The following NIBAN2 variants were observed in gnomAD, a reference collection of about 807,000 sequenced individuals.
The protein encoded by NIBAN2 is niban apoptosis regulator 2.
In NIBAN2, 36 loss-of-function variants were observed where a neutral mutation model predicts 81.8. That is an observed-to-expected ratio of 0.44 (90% CI 0.34 to 0.58). The LOEUF (loss-of-function observed/expected upper bound fraction) is 0.58, where lower values mean the gene tolerates loss of function less well. Among genes scored for constraint, NIBAN2 ranks in the 20% least tolerant of loss-of-function variants. NIBAN2 has a pLI of 0.02. For synonymous variants in NIBAN2, 445 were observed against 441.6 expected (o/e 1.01, Z -0.10); for missense variants, 897 against 1,014.1 (o/e 0.88, Z 1.57).
At position 127,509,023 on chromosome 9, in the gene NIBAN2, A is replaced by G; in HGVS notation, c.1270T>C (p.Ser424Pro). 1 of 1,613,874 alleles carries G rather than the reference A, an allele frequency of 6.2e-7. No individual in the cohort carries two copies. Reference sequence around the variant, plus strand: ...CGCTGCTTGAACACGGACGTGCTGGACACATCAAATCGCTGCTGCAGCCCG... The same window carrying G: ...CGCTGCTTGAACACGGACGTGCTGGGCACATCAAATCGCTGCTGCAGCCCG... ...LDGLQQRFDV[S>P]STSVFKQRAQ... Residue 424 changes from serine (S) to proline (P), a missense_variant, in exon 10 of 14, where the codon TCC becomes CCC. Physicochemically the swap from Ser to Pro is moderately conservative, Grantham distance 74. Transcript: ENST00000373312.
In NIBAN2 at chr9:127,538,443, G is replaced by A. The variant is rs1472799297; in HGVS notation, c.56-6665C>T. Among the ~76,000 whole-genome samples, 9 of 152,152 alleles carry A rather than the reference G, an allele frequency of 5.9e-5. No homozygotes were observed. In the South Asian group the frequency reaches 1.9e-3, roughly 32 times the overall value. On this transcript the variant is annotated intron_variant, in intron 1 of 13. Coordinates refer to ENST00000373312, the MANE Select transcript of NIBAN2 (RefSeq NM_022833.4). ...GCGGCTGCCACCCAGGAAGCACTCA[G>A]TGAGTGTCACATGGCTATTTAGAAA... is the stretch of plus-strand genomic sequence containing the variant.
intron 2 of NIBAN2, among the ~76,000 whole-genome samples, chr9:127,528,188 TA>T (rs1013307622): frequency 2.0e-5 from 3 of 152,202 alleles, no homozygotes; most frequent in Non-Finnish European, 4.4e-5. Context: ...GGGACTGACT[TA>T]TCTGGGGATG....
At chr9:127,540,919 C>A (rs1196393330) in intron 1 of NIBAN2, among the ~76,000 whole-genome samples, 1 of 152,188 alleles carries the variant, frequency 6.6e-6, no homozygotes, top group African/African-American at 2.4e-5. Context: ...AGAGGTTTGC[C>A]GACTGAAACC....
intron 5 of NIBAN2, among the ~76,000 whole-genome samples, chr9:127,522,545 C>T (rs189226970): frequency 8.9e-4 from 135 of 152,208 alleles, no homozygotes; most frequent in African/African-American, 3.1e-3. Context: ...TCCTTAGAGG[C>T]CTTCAAGGCT....
chr9:127,551,048 GC>G (rs1355226051), intron 1 of NIBAN2, among the ~76,000 whole-genome samples: 2 of 152,100 alleles, frequency 1.3e-5, no homozygotes, highest in Admixed American at 1.3e-4. Flanking sequence ...GAAAAGGGAA[GC>G]CAGTGATCCC....
rs191408463 is a variant in NIBAN2 at position 127,543,142 on chromosome 9, C to T, written c.56-11364G>A. 2.6e-3 allele frequency among the ~76,000 whole-genome samples: 401 copies of T among 152,340 alleles called. 4 individuals are homozygous for T. Among genetic ancestry groups the T allele is most frequent in the African/African-American group, 9.3e-3 (387 of 41,588 alleles). On this transcript the variant is annotated intron_variant, in intron 1 of 13. Transcript: ENST00000373312. Reference sequence around the variant, plus strand: ...GCGTGAGCCAGCCCTCAGCTAGGGACTTCCAGTGCGAGATCATTCTCGACT... The same window carrying T: ...GCGTGAGCCAGCCCTCAGCTAGGGATTTCCAGTGCGAGATCATTCTCGACT...
rs753357409 is a variant in NIBAN2, at chr9:127,507,063, C to T, written c.2023G>A (p.Gly675Arg). 2.9e-5 allele frequency: 46 copies of T among 1,577,128 alleles called. No individual in the cohort carries two copies. The highest frequency in any genetic ancestry group is 6.8e-5 in the South Asian group (6 of 88,110). The change falls in exon 14 of 14, where the codon GGG becomes AGG. Residue 675 changes from glycine to arginine, a missense_variant. Gly to Arg is a moderately radical substitution (Grantham distance 125). Around this residue, in one of 3 missense-constraint regions of NIBAN2, gnomAD observed 619 missense variants for 691.0 expected, o/e 0.90. Coordinates refer to ENST00000373312, the MANE Select transcript of NIBAN2 (RefSeq NM_022833.4). This position sits in a 1 kb window ranked among gnomAD's most constrained non-coding sequence, Gnocchi z 6.8. ...SPPPAGPLLN[G>R]APAGESPQPK... ...TGGGGACTCTCCCCAGCGGGGGCCC[C>T]GTTGAGCAGGGGGCCGGCTGGTGGG...
intron 8 of NIBAN2, among the ~76,000 whole-genome samples, chr9:127,514,847 C>T (rs1216664957): frequency 1.3e-5 from 2 of 152,194 alleles, no homozygotes; most frequent in Non-Finnish European, 2.9e-5. Context: ...TCAACCAATA[C>T]TCAGGATCTG....
chr9:127,527,166 C>T (rs888319228), intron 3 of NIBAN2, 28 bp downstream of exon 3: 1 of 1,609,408 alleles, frequency 6.2e-7, no homozygotes, highest in African/African-American at 1.3e-5. Flanking sequence ...CGGGGAGGCT[C>T]AGTGTGGCGC....
intron 8 of NIBAN2, among the ~76,000 whole-genome samples, chr9:127,514,270 C>CA (rs34295842): frequency 0.69 from 81,747 of 118,006 alleles, 27,184 homozygotes; most frequent in Middle Eastern, 0.76. Context: ...ACTCTGTGTC[C>CA]AAAAAAAAAA....
Position 127,517,159 on chromosome 9 carries a change from G to A in NIBAN2, c.763C>T (p.Pro255Ser), listed in dbSNP as rs949854154. Residue 255 changes from proline to serine, a missense_variant, in exon 7 of 14, where the codon CCG becomes TCG. Pro to Ser is a moderately conservative substitution (Grantham distance 74). Transcript: ENST00000373312. The surrounding 1 kb of genome is among the most constrained non-coding windows in gnomAD (Gnocchi z 4.0). The stretch of plus-strand genomic sequence containing the variant: ...TCCTGCGGTTTCCCCTTCAGCCGCG[G>A]GCCGAGCTCTGCCTTCAGCTCAGGG... ...LGPELKAELG[P>S]RLKGKPQERQ... The A allele has an allele frequency of 1.2e-6, 2 of 1,613,954 alleles. No individual in the cohort carries two copies. The highest frequency in any genetic ancestry group is 1.7e-6 in the Non-Finnish European group (2 of 1,180,002).
chr9:127,514,844 A>G (rs912247295), intron 8 of NIBAN2, among the ~76,000 whole-genome samples: 1 of 152,132 alleles, frequency 6.6e-6, no homozygotes, highest in Non-Finnish European at 1.5e-5. Flanking sequence ...CTGTCAACCA[A>G]TACTCAGGAT....
intron 2 of NIBAN2, 59 bp downstream of exon 2, chr9:127,531,586 TCCC>T (rs1837180827): frequency 6.5e-7 from 1 of 1,545,496 alleles, no homozygotes; most frequent in Admixed American, 1.8e-5. Context: ...GTAAGGTCAC[TCCC>T]CCGAGGCCAC....
chr9:127,527,187 G>T lies in NIBAN2; in HGVS notation c.315+7C>A. The T allele has an allele frequency of 6.2e-7, 1 of 1,612,634 alleles. No individual in the cohort carries two copies. The stretch of plus-strand genomic sequence containing the variant: ...GGCTCAGTGTGGCGCCCGGGGCCAG[G>T]CCTCACCGCTTTGTTTTCGTAGAGC... On this transcript the variant is annotated splice_region_variant and intron_variant, in intron 3 of 13. Coordinates refer to ENST00000373312, the MANE Select transcript of NIBAN2 (RefSeq NM_022833.4).
intron 1 of NIBAN2, among the ~76,000 whole-genome samples, chr9:127,542,879 C>T (rs1441762436): frequency 6.6e-6 from 1 of 152,240 alleles, no homozygotes; most frequent in African/African-American, 2.4e-5. Context: ...CCCACCATCA[C>T]ACCTGGCTAA....
At position 127,568,981 on chromosome 9, in the gene NIBAN2, G is replaced by A. The variant is rs1837908447; in HGVS notation, c.-107C>T. The A allele has an allele frequency of 1.1e-5, 1 of 91,550 alleles. No individual in the cohort carries two copies. The allele number at this position is 91,550 out of a possible 1,614,324, so 5.7% of individuals were successfully genotyped here. A position where few individuals can be genotyped will look rare whatever the true frequency, so the allele number is the denominator to read the frequency against. Reference sequence around the variant, plus strand: ...GAGCCCGGCCCGCCCTGCTTCCCCCGCTCCCGCCGCTCCCGCCGCTCCCGC... The same window carrying A: ...GAGCCCGGCCCGCCCTGCTTCCCCCACTCCCGCCGCTCCCGCCGCTCCCGC... On this transcript the variant is annotated 5_prime_UTR_variant, in exon 1 of 14. Coordinates refer to ENST00000373312, the MANE Select transcript of NIBAN2 (RefSeq NM_022833.4).
Position 127,527,226 on chromosome 9 carries a change from TGTG to T in NIBAN2, c.280_282del (p.His94del). The T allele has an allele frequency of 6.2e-7, 1 of 1,613,872 alleles. No homozygotes were observed. ...TTTTCGTAGAGCACCAGCCCGTAGT[TGTG>T]GGGCACGAGGCTGAAGCGGTTTCTC... is the stretch of plus-strand genomic sequence containing the variant. On this transcript the variant is annotated inframe_deletion, in exon 3 of 14. Transcript: ENST00000373312.
At chr9:127,578,503 T>A (rs1838035892) in intron 1 of NIBAN2, among the ~76,000 whole-genome samples, 1 of 148,698 alleles carries the variant, frequency 6.7e-6, no homozygotes, top group African/African-American at 2.5e-5. Context: ...CTACTAAAAA[T>A]ACAAAAAAAT....
At chr9:127,548,673 C>T (rs963368963) in intron 1 of NIBAN2, among the ~76,000 whole-genome samples, 1 of 152,162 alleles carries the variant, frequency 6.6e-6, no homozygotes, top group Non-Finnish European at 1.5e-5. Flanking sequence ...GAAAATACCT[C>T]TAGGGTTTCA....
Sources: allele counts gnomAD v4.1 joint callset (sites outside exome capture counted in the v4.1 genomes callset), GRCh38; gene constraint gnomAD v4.1.1; regional missense constraint gnomAD v4.1.1; non-coding constraint Gnocchi (gnomAD v3.1); transcripts MANE v1.5; gene names NCBI Gene and HGNC (gene_info 2026-07-23, HGNC 2026-07-21).